RAB28: variants seen among roughly 807,000 people sequenced by gnomAD.
RAB28 encodes the protein ras-related protein Rab-28.
A neutral mutation model predicts 31.7 loss-of-function variants in RAB28; 24 were observed. The ratio of observed to expected loss-of-function variants is 0.76; its 90% confidence interval spans 0.55 to 1.06. The LOEUF is 1.06. RAB28 is among the 50% of genes least tolerant of loss of function. The probability of loss-of-function intolerance (pLI) is 0.00; values close to 1 mark genes in which losing one functional copy is unlikely to be tolerated. For missense variants in RAB28, 254 were observed against 258.5 expected, an observed-to-expected ratio of 0.98 and a Z score of 0.12; for synonymous variants, 100 against 90.4, an observed-to-expected ratio of 1.11 and a Z score of -0.60.
intron 4 of RAB28, among the ~76,000 whole-genome samples, chr4:13,415,766 C>T (rs902821461): frequency 1.3e-5 from 2 of 152,176 alleles, no homozygotes; most frequent in African/African-American, 4.8e-5. Flanking sequence ...CTGAGGCGTG[C>T]GGGCGCACGG....
intron 4 of RAB28, among the ~76,000 whole-genome samples, chr4:13,399,225 G>C (rs1711609461): frequency 6.6e-6 from 1 of 152,096 alleles, no homozygotes; most frequent in Non-Finnish European, 1.5e-5. Flanking sequence ...ATCTGCGTCT[G>C]GCATTTTTCG....
intron 4 of RAB28, among the ~76,000 whole-genome samples, chr4:13,419,174 G>C (rs184572854): frequency 6.6e-6 from 1 of 152,066 alleles, no homozygotes; most frequent in African/African-American, 2.4e-5. Flanking sequence ...TAATGGTAAA[G>C]GGATCAATTC....
intron 4 of RAB28, among the ~76,000 whole-genome samples, chr4:13,396,856 T>C (rs907415970): frequency 2.6e-5 from 4 of 152,092 alleles, no homozygotes; most frequent in African/African-American, 9.7e-5. Context: ...GGCATTCTCC[T>C]TTTAAACGTT....
At chr4:13,414,666 C>T (rs1712644238) in intron 4 of RAB28, among the ~76,000 whole-genome samples, 2 of 152,160 alleles carry the variant, frequency 1.3e-5, no homozygotes, top group African/African-American at 2.4e-5. Flanking sequence ...TCAGACCAAT[C>T]TCATTTAAAA....
At chr4:13,461,222 C>A (rs532048313) in intron 3 of RAB28, among the ~76,000 whole-genome samples, 1 of 152,322 alleles carries the variant, frequency 6.6e-6, no homozygotes, top group South Asian at 2.1e-4. Flanking sequence ...AATAAATAAT[C>A]ATCTGCTGCT....
At chr4:13,458,356 T>G (rs1345291349) in intron 4 of RAB28, among the ~76,000 whole-genome samples, 1 of 151,574 alleles carries the variant, frequency 6.6e-6, no homozygotes, top group Non-Finnish European at 1.5e-5. Context: ...AGCCACATAA[T>G]GCAAAAATCT....
intron 4 of RAB28, among the ~76,000 whole-genome samples, chr4:13,384,025 G>A (rs551539473): frequency 4.1e-4 from 62 of 152,318 alleles, no homozygotes; most frequent in African/African-American, 1.5e-3. Flanking sequence ...CTGGTGGAAA[G>A]TAGTACTCAC....
At chr4:13,459,227 C>T (rs1715463017) in intron 4 of RAB28, among the ~76,000 whole-genome samples, 1 of 152,120 alleles carries the variant, frequency 6.6e-6, no homozygotes, top group South Asian at 2.1e-4. Context: ...CTGTTGGCTT[C>T]CCTACTTTTG....
chr4:13,460,744 C>A lies in RAB28; in HGVS notation c.346G>T (p.Glu116Ter). Residue 116 changes from glutamate (E) to a stop codon, truncating the protein, a stop_gained, in exon 4 of 7, where the codon GAG (glutamate) becomes TAG (stop). Transcript: ENST00000330852. LOFTEE classifies it high-confidence loss of function. ...DWYTVVKKVS[E>*]ESETQPLVAL... ...ACCAGTGGCTGAGTTTCTGACTCCT[C>A]GCTCACTTTCTTCACCACAGTATAC... is the stretch of plus-strand genomic sequence containing the variant. The A allele has an allele frequency of 6.2e-7, 1 of 1,614,048 alleles. No homozygotes were observed. Among genetic ancestry groups the A allele is most frequent in the Non-Finnish European group, 8.5e-7 (1 of 1,179,954 alleles).
chr4:13,479,993 T>G (rs746015487), intron 1 of RAB28, among the ~76,000 whole-genome samples: 1 of 151,696 alleles, frequency 6.6e-6, no homozygotes, highest in Non-Finnish European at 1.5e-5. Flanking sequence ...GAATTTTTCT[T>G]TTTCCCACAA....
chr4:13,378,358 C>T (rs1729001871), intron 5 of RAB28, among the ~76,000 whole-genome samples: 2 of 152,028 alleles, frequency 1.3e-5, no homozygotes, highest in South Asian at 4.2e-4. Flanking sequence ...CCATTGGATT[C>T]AGCAAAAAGG....
At chr4:13,474,028 CA>C in intron 3 of RAB28, 1 of 486,626 alleles carries the variant, frequency 2.1e-6, no homozygotes. Context: ...TAATACATAT[CA>C]AAATATCATT....
rs931501815 is a variant in RAB28, at chr4:13,471,873, A to G, written c.261+2445T>C. On this transcript the variant is annotated intron_variant, in intron 3 of 6. Coordinates refer to ENST00000330852, the MANE Select transcript of RAB28 (RefSeq NM_001017979.3). ...GAGAAAGAAGTCGATATGTACCTTC[A>G]AGACAGAAACTTTATACAAGTTCTA... Among the ~76,000 whole-genome samples the G allele has an allele frequency of 1.8e-4, 27 of 152,120 alleles. 1 individual carries two copies.
At chr4:13,479,602 G>A (rs945791241) in intron 1 of RAB28, 76 bp from the exon 2 acceptor site, 1 of 1,003,784 alleles carries the variant, frequency 1.0e-6, no homozygotes, top group South Asian at 1.4e-5. Context: ...TAAATCTTAA[G>A]CAATCTTAAC....
At chr4:13,470,432 T>C (rs1257955066) in intron 3 of RAB28, among the ~76,000 whole-genome samples, 1 of 152,100 alleles carries the variant, frequency 6.6e-6, no homozygotes, top group Non-Finnish European at 1.5e-5. Context: ...AGCTGTCATG[T>C]AGGCACCAAA....
intron 4 of RAB28, among the ~76,000 whole-genome samples, chr4:13,407,751 T>G (rs1712188745): frequency 1.3e-5 from 2 of 152,326 alleles, no homozygotes; most frequent in South Asian, 2.1e-4. Flanking sequence ...CCTAGGCATT[T>G]TATTCTCTTT....
rs1047574524 is a variant in RAB28 at position 13,406,759 on chromosome 4, A to C, written c.392-25165T>G. Among the ~76,000 whole-genome samples, 3 of 152,304 alleles carry C rather than the reference A, an allele frequency of 2.0e-5. No individual in the cohort carries two copies. The East Asian group carries it at 5.8e-4, about 29-fold the overall frequency. ...GCATTTCTCTAATGACCAGTGATGA[A>C]GAGCTTTTTTCATATAACTATTGGC... On this transcript the variant is annotated intron_variant, in intron 4 of 6. Transcript: ENST00000330852.
In RAB28 at chr4:13,368,648, C is replaced by T. The variant is rs1577142482; in HGVS notation, c.576G>A (p.Arg192=). The stretch of plus-strand genomic sequence containing the variant: ...AGTTTACAATATCTGCCTTCACCAC[C>T]CTCTGTCATAAAAGAAAACAGAGTT... ...LNKAEIEQSQ[R]VVKADIVNYN... is the part of the protein sequence containing the mutation. The change falls in exon 7 of 7, where the codon AGG becomes AGA. Residue 192 remains arginine, a splice_region_variant and synonymous_variant. Transcript: ENST00000330852. The T allele has an allele frequency of 6.2e-6, 10 of 1,608,424 alleles. No individual in the cohort carries two copies. Among genetic ancestry groups the T allele is most frequent in the Non-Finnish European group, 7.7e-6 (9 of 1,176,290 alleles).
intron 4 of RAB28, among the ~76,000 whole-genome samples, chr4:13,399,584 ATC>A (rs909454268): frequency 1.3e-5 from 2 of 152,334 alleles, no homozygotes; most frequent in Admixed American, 1.3e-4. Context: ...GATTGACATT[ATC>A]TGTCACTTGC....
Sources: gnomAD v4.1 joint callset for allele counts (sites outside exome capture counted in the v4.1 genomes callset) on GRCh38, gnomAD v4.1.1 for gene constraint, MANE v1.5 for transcripts, NCBI Gene and HGNC (gene_info 2026-07-23, HGNC 2026-07-21) for gene names.